The following FAM216A variants were observed in gnomAD, a reference collection of about 807,000 sequenced individuals.
The protein encoded by FAM216A is protein FAM216A.
A neutral mutation model predicts 37.6 loss-of-function variants in FAM216A; 26 were observed. The observed-to-expected ratio is 0.69, with a 90% confidence interval of 0.51 to 0.96. FAM216A has a LOEUF of 0.96. Ranked by LOEUF, FAM216A falls within the 40% of genes least tolerant of loss-of-function variation. The probability of loss-of-function intolerance (pLI) is 0.00; values close to 1 mark genes in which losing one functional copy is unlikely to be tolerated. For synonymous variants in FAM216A, 110 were observed against 121.7 expected, an observed-to-expected ratio of 0.90 and a Z score of 0.64; for missense variants, 326 against 339.3, an observed-to-expected ratio of 0.96 and a Z score of 0.31.
intron 2 of FAM216A, among the ~76,000 whole-genome samples, chr12:110,477,146 C>A (rs2062718916): frequency 6.6e-6 from 1 of 152,208 alleles, no homozygotes; most frequent in African/African-American, 2.4e-5. Flanking sequence ...CCAGGTTAAT[C>A]ATATCAGGAG....
chr12:110,487,672 C>G (rs926621923), intron 5 of FAM216A, 189 bp from the exon 6 acceptor site: 8 of 576,992 alleles, frequency 1.4e-5, no homozygotes, highest in Non-Finnish European at 2.2e-5. Flanking sequence ...GATTAAGCAG[C>G]ATGAGTATTG....
chr12:110,476,851 A>G (rs539671871), intron 2 of FAM216A, among the ~76,000 whole-genome samples: 23 of 151,890 alleles, frequency 1.5e-4, no homozygotes, highest in African/African-American at 5.6e-4. Context: ...TGAAGAATAC[A>G]GGCCTGTGGG....
At chr12:110,470,265 CT>C (rs555870682) in intron 1 of FAM216A, among the ~76,000 whole-genome samples, 202 of 151,348 alleles carry the variant, frequency 1.3e-3, no homozygotes, top group African/African-American at 4.7e-3. Flanking sequence ...CGCCCGGCTA[CT>C]TTTTTGTATT....
Position 110,490,097 on chromosome 12 carries a change from T to A in FAM216A, c.782T>A (p.Met261Lys). Residue 261 changes from methionine to lysine, a missense_variant, in exon 7 of 7, where the codon ATG (methionine) becomes AAG (lysine). Transcript: ENST00000377673. Reference sequence around the variant, plus strand: ...TTACTAAATAATTTTATGCAATCAATGTCAATTGAAGAACAGGGAGAACAT... The same window carrying A: ...TTACTAAATAATTTTATGCAATCAAAGTCAATTGAAGAACAGGGAGAACAT... The part of the protein sequence containing the change: ...EDLLNNFMQS[M>K]SIEEQGEHLM... The A allele has an allele frequency of 6.3e-7, 1 of 1,575,402 alleles. No individual in the cohort carries two copies. The highest frequency in any genetic ancestry group is 8.7e-7 in the Non-Finnish European group (1 of 1,144,736).
At chr12:110,475,109 T>C (rs2062707634) in intron 2 of FAM216A, among the ~76,000 whole-genome samples, 1 of 152,198 alleles carries the variant, frequency 6.6e-6, no homozygotes, top group African/African-American at 2.4e-5. Flanking sequence ...TGTATTGCTG[T>C]TTATAATTGG....
At chr12:110,471,279 C>T (rs980974649) in intron 1 of FAM216A, among the ~76,000 whole-genome samples, 1 of 151,928 alleles carries the variant, frequency 6.6e-6, no homozygotes, top group Non-Finnish European at 1.5e-5. Context: ...TAGTAGAGAA[C>T]GGGGTTTCAC....
intron 2 of FAM216A, among the ~76,000 whole-genome samples, chr12:110,476,255 A>G (rs188274020): frequency 1.9e-3 from 272 of 144,934 alleles, no homozygotes; most frequent in African/African-American, 6.9e-3. Flanking sequence ...GCTGGAGTCC[A>G]GTGGCGCGAT....
intron 1 of FAM216A, 190 bp downstream of exon 1, chr12:110,469,208 G>T: frequency 1.6e-6 from 1 of 608,218 alleles, no homozygotes; most frequent in Non-Finnish European, 2.5e-6. Flanking sequence ...ACTGCCTCGC[G>T]GTTGAGGGAG....
intron 2 of FAM216A, among the ~76,000 whole-genome samples, chr12:110,477,130 G>A (rs1200250252): frequency 6.6e-6 from 1 of 152,216 alleles, no homozygotes; most frequent in African/African-American, 2.4e-5. Context: ...GTGGTGCTGA[G>A]TTTGTCCAGG....
intron 1 of FAM216A, among the ~76,000 whole-genome samples, chr12:110,471,712 G>A (rs923985739): frequency 3.3e-5 from 5 of 152,134 alleles, no homozygotes; most frequent in Non-Finnish European, 7.4e-5. Flanking sequence ...ACAAGAAAAC[G>A]ATATGGTGGC....
chr12:110,468,755 C>T (rs2062657269), upstream of FAM216A: 2 of 1,480,210 alleles, frequency 1.4e-6, no homozygotes, highest in African/African-American at 1.4e-5. Flanking sequence ...GATCTGCCCG[C>T]CCCGCTCTCC....
intron 2 of FAM216A, among the ~76,000 whole-genome samples, chr12:110,476,818 C>T (rs1472157701): frequency 1.1e-4 from 16 of 152,144 alleles, no homozygotes; most frequent in Non-Finnish European, 1.6e-4. Flanking sequence ...TGAGCCACCG[C>T]GCCCGGCCGA....
rs537511277 is a variant in FAM216A, at chr12:110,477,507, C to T, written c.184+4389C>T. ...AGCTGGGACTACAGGCGCCCGCCAC[C>T]ACGCTCGCCTAATTTTTTTGTATTT... On this transcript the variant is annotated intron_variant, in intron 2 of 6. Coordinates refer to ENST00000377673, the MANE Select transcript of FAM216A (RefSeq NM_013300.3). 6.8e-3 allele frequency among the ~76,000 whole-genome samples: 1,035 copies of T among 151,684 alleles called. 1 individual carries two copies. Among genetic ancestry groups the T allele is most frequent in the Non-Finnish European group, 9.3e-3 (632 of 67,922 alleles).
intron 2 of FAM216A, among the ~76,000 whole-genome samples, chr12:110,483,064 G>T (rs1281318179): frequency 6.6e-6 from 1 of 152,068 alleles, no homozygotes; most frequent in Non-Finnish European, 1.5e-5. Context: ...GGTGGCTCAT[G>T]CCTGCAACCC....
At chr12:110,479,777 G>A (rs1040154907) in intron 2 of FAM216A, among the ~76,000 whole-genome samples, 2 of 151,684 alleles carry the variant, frequency 1.3e-5, no homozygotes, top group Non-Finnish European at 2.9e-5. Context: ...GTTGGAGGTT[G>A]CAGTGAGCAG....
chr12:110,477,909 A>G (rs1257544997), intron 2 of FAM216A, among the ~76,000 whole-genome samples: 3 of 148,532 alleles, frequency 2.0e-5, no homozygotes, highest in African/African-American at 7.4e-5. Context: ...GGGTTTCACC[A>G]TGTTAGCCAA....
At chr12:110,475,337 GT>G (rs1388914724) in intron 2 of FAM216A, among the ~76,000 whole-genome samples, 2 of 152,070 alleles carry the variant, frequency 1.3e-5, no homozygotes, top group African/African-American at 4.8e-5. Flanking sequence ...GGTCTCCCAG[GT>G]TCAAGCGATT....
intron 2 of FAM216A, among the ~76,000 whole-genome samples, chr12:110,475,976 AATCTGAACACCTCGGCCTC>A (rs2062712632): frequency 6.6e-6 from 1 of 150,940 alleles, no homozygotes; most frequent in South Asian, 2.1e-4. Flanking sequence ...GGGCTCAAGC[AATCTGAACACCTCGGCCTC>A]CCAAAGTGCT....
At chr12:110,489,341 C>T (rs528823915) in intron 6 of FAM216A, among the ~76,000 whole-genome samples, 8 of 151,992 alleles carry the variant, frequency 5.3e-5, no homozygotes, top group South Asian at 2.1e-4. Flanking sequence ...CCTGTCTCTA[C>T]TAAAAATACA....
Sources: gnomAD v4.1 joint callset for allele counts (sites outside exome capture counted in the v4.1 genomes callset) on GRCh38, gnomAD v4.1.1 for gene constraint, MANE v1.5 for transcripts, NCBI Gene and HGNC (gene_info 2026-07-23, HGNC 2026-07-21) for gene names.